Variants in KCNJ18 observed in about 807,000 individuals in gnomAD.
KCNJ18 encodes inward rectifier potassium channel 18.
In KCNJ18, 16 loss-of-function variants were observed where a neutral mutation model predicts 17.3. The ratio of observed to expected loss-of-function variants is 0.92; its 90% CI spans 0.62 to 1.40. KCNJ18 has a LOEUF of 1.40. Among genes scored for constraint, KCNJ18 ranks in the 40% most tolerant of loss-of-function variants. The probability of loss-of-function intolerance (pLI) is 0.00; values close to 1 mark genes in which losing one functional copy is unlikely to be tolerated. For missense variants in KCNJ18, 462 were observed against 626.8 expected (o/e 0.74, Z 2.81); for synonymous variants, 185 against 262.6 (o/e 0.70, Z 2.86).
chr17:21,698,528 G>A (rs1234863009), intron 2 of KCNJ18, among the ~76,000 whole-genome samples: 6 of 151,122 alleles, frequency 4.0e-5, no homozygotes, highest in African/African-American at 9.8e-5. Flanking sequence ...TGATGCAGGC[G>A]CCTGCACTCT....
chr17:21,700,558 C>T lies in KCNJ18; in HGVS notation c.-56-2173C>T, dbSNP rs1365643195. Among the ~76,000 whole-genome samples the T allele has an allele frequency of 1.0e-4, 11 of 107,384 alleles. 2 individuals are homozygous for T. Among genetic ancestry groups the T allele is most frequent in the Non-Finnish European group, 1.8e-4 (9 of 50,934 alleles). The allele number at this position is 107,384 out of a possible 152,430, so 70.4% of individuals were successfully genotyped here. A position where few individuals can be genotyped will look rare whatever the true frequency, so the allele number is the denominator to read the frequency against. On this transcript the variant is annotated intron_variant, in intron 2 of 2. Coordinates refer to ENST00000567955, the MANE Select transcript of KCNJ18 (RefSeq NM_001194958.2). ...GTGTTCCACAGCCTGGCCGGGCAGG[C>T]GGCTCCACCATCACCTGTTGCTCAG...
At chr17:21,700,970 C>G (rs1425468604) in intron 2 of KCNJ18, among the ~76,000 whole-genome samples, 1 of 147,110 alleles carries the variant, frequency 6.8e-6, no homozygotes, top group East Asian at 2.0e-4. Flanking sequence ...GGTGCTGGGT[C>G]CCTGTGGGCG....
chr17:21,702,868 G>C lies in KCNJ18; in HGVS notation c.82G>C (p.Ala28Pro), dbSNP rs1260138033. The C allele has an allele frequency of 1.9e-6, 3 of 1,600,040 alleles. No homozygotes were observed. Among genetic ancestry groups the C allele is most frequent in the Non-Finnish European group, 2.5e-6 (3 of 1,177,396 alleles). ...GCTGCACCTGGTCACCATGTCGGGC[G>C]CCAACGGCTTCGGCAACGGCAAGGT... is the stretch of plus-strand genomic sequence containing the variant. ...DGLHLVTMSG[A>P]NGFGNGKVHT... Residue 28 changes from alanine (A) to proline (P), a missense_variant, in exon 3 of 3, where the codon GCC becomes CCC. This residue lies in a region of KCNJ18 where 237 missense variants were observed against 259.4 expected (regional missense o/e 0.91). Coordinates refer to ENST00000567955, the MANE Select transcript of KCNJ18 (RefSeq NM_001194958.2).
In KCNJ18 at chr17:21,702,903, G is replaced by A. The variant is rs1906014565; in HGVS notation, c.117G>A (p.Arg39=). The A allele has an allele frequency of 6.3e-6, 10 of 1,595,508 alleles. No individual in the cohort carries two copies. In the South Asian group the frequency reaches 1.1e-4, roughly 18 times the overall value. The change falls in exon 3 of 3, where the codon CGG becomes CGA. Residue 39 remains arginine, a synonymous_variant. Transcript: ENST00000567955. ...NGFGNGKVHT[R]RRCRNRFVKK... Reference sequence around the variant, plus strand: ...TCGGCAACGGCAAGGTGCACACGCGGCGCAGGTGCCGCAACCGCTTCGTCA... The same window carrying A: ...TCGGCAACGGCAAGGTGCACACGCGACGCAGGTGCCGCAACCGCTTCGTCA...
At chr17:21,695,829 C>A (rs1905742746) in intron 1 of KCNJ18, among the ~76,000 whole-genome samples, 154 bp from the exon 2 acceptor site, 2 of 152,424 alleles carry the variant, frequency 1.3e-5, no homozygotes, top group African/African-American at 4.8e-5. Context: ...AGGTGTGGGG[C>A]ATCAAAGGTG....
At position 21,703,782 on chromosome 17, in the gene KCNJ18, C is replaced by T. The variant is rs1360821251; in HGVS notation, c.996C>T (p.Phe332=). Residue 332 remains phenylalanine, a synonymous_variant, in exon 3 of 3, where the codon TTC becomes TTT. Coordinates refer to ENST00000567955, the MANE Select transcript of KCNJ18 (RefSeq NM_001194958.2). ...GTCACCGCTTTGAGCCCGTGCTCTT[C>T]GAGGAGAAGAACCAGTACAAGATTG... ...LWGHRFEPVL[F]EEKNQYKIDY... 4,709 of 1,583,728 alleles carry T rather than the reference C, an allele frequency of 3.0e-3. 42 individuals are homozygous for T. The African/African-American group carries it at 0.061, about 20-fold the overall frequency.
chr17:21,698,211 A>C (rs1165408823), intron 2 of KCNJ18, among the ~76,000 whole-genome samples: 1 of 152,170 alleles, frequency 6.6e-6, no homozygotes, highest in Non-Finnish European at 1.5e-5. Context: ...CACTGGTTTC[A>C]CCCCTACAGC....
At chr17:21,697,715 T>G (rs1905806708) in intron 2 of KCNJ18, among the ~76,000 whole-genome samples, 1 of 152,310 alleles carries the variant, frequency 6.6e-6, no homozygotes, top group Admixed American at 6.5e-5. Flanking sequence ...CAGCCCTGCC[T>G]CTCACACCCT....
rs1906088017 is a variant in KCNJ18, at chr17:21,704,225, T to A, written c.*137T>A. On this transcript the variant is annotated 3_prime_UTR_variant, in exon 3 of 3. Coordinates refer to ENST00000567955, the MANE Select transcript of KCNJ18 (RefSeq NM_001194958.2). Reference sequence around the variant, plus strand: ...AGTAGCGTTTTAGTCGTTTTATGTTTCTTTGCAAAGGCCTCAGAAGGTTGG... The same window carrying A: ...AGTAGCGTTTTAGTCGTTTTATGTTACTTTGCAAAGGCCTCAGAAGGTTGG... 6 of 1,118,274 alleles carry A rather than the reference T, an allele frequency of 5.4e-6. No individual in the cohort carries two copies. Among genetic ancestry groups the A allele is most frequent in the Non-Finnish European group, 6.2e-6 (5 of 805,160 alleles). The allele number at this position is 1,118,274 out of a possible 1,614,324, so 69.3% of individuals were successfully genotyped here.
At chr17:21,697,832 G>C (rs1331951530) in intron 2 of KCNJ18, among the ~76,000 whole-genome samples, 3 of 152,302 alleles carry the variant, frequency 2.0e-5, no homozygotes, top group African/African-American at 4.8e-5. Context: ...AATGGTGCCT[G>C]GATTAGGAAA....
chr17:21,702,951 T>C lies in KCNJ18; in HGVS notation c.165T>C (p.Ile55=). The C allele has an allele frequency of 1.3e-6, 2 of 1,584,194 alleles. No homozygotes were observed. Among genetic ancestry groups the C allele is most frequent in the South Asian group, 1.1e-5 (1 of 87,602 alleles). The change falls in exon 3 of 3, where the codon ATT becomes ATC. Residue 55 remains isoleucine, a synonymous_variant. Coordinates refer to ENST00000567955, the MANE Select transcript of KCNJ18 (RefSeq NM_001194958.2). ...RFVKKNGQCN[I]AFANMDEKSQ... is the part of the protein sequence containing the mutation. ...TCAAGAAGAATGGCCAGTGCAACAT[T>C]GCGTTCGCCAACATGGACGAGAAGT...
In KCNJ18 at chr17:21,703,689, C is replaced by G. The variant is rs1906059143; in HGVS notation, c.903C>G (p.Gly301=). 3.8e-6 allele frequency: 6 copies of G among 1,589,142 alleles called. No homozygotes were observed. Among genetic ancestry groups the G allele is most frequent in the Non-Finnish European group, 5.1e-6 (6 of 1,166,558 alleles). Residue 301 remains glycine, a synonymous_variant, in exon 3 of 3, where the codon GGC becomes GGG. Coordinates refer to ENST00000567955, the MANE Select transcript of KCNJ18 (RefSeq NM_001194958.2). ...DDFEIVVILE[G]MVEATAMTTQ... ...TTGAGATCGTGGTCATCCTGGAAGG[C>G]ATGGTGGAGGCCACAGCCATGACCA...
In KCNJ18 at chr17:21,703,690, A is replaced by T; in HGVS notation, c.904A>T (p.Met302Leu). The T allele has an allele frequency of 6.3e-7, 1 of 1,589,396 alleles. No individual in the cohort carries two copies. Among genetic ancestry groups the T allele is most frequent in the East Asian group, 2.3e-5 (1 of 44,006 alleles). ...DFEIVVILEG[M>L]VEATAMTTQA... ...TGAGATCGTGGTCATCCTGGAAGGC[A>T]TGGTGGAGGCCACAGCCATGACCAC... The change falls in exon 3 of 3, where the codon ATG (methionine) becomes TTG (leucine). Residue 302 changes from methionine to leucine, a missense_variant. This residue lies in a region of KCNJ18 where 55 missense variants were observed against 69.1 expected (regional missense o/e 0.80). Coordinates refer to ENST00000567955, the MANE Select transcript of KCNJ18 (RefSeq NM_001194958.2).
At chr17:21,701,258 G>T (rs1193805254) in intron 2 of KCNJ18, among the ~76,000 whole-genome samples, 1 of 152,302 alleles carries the variant, frequency 6.6e-6, no homozygotes, top group South Asian at 2.1e-4. Flanking sequence ...CCTGCTGCGG[G>T]GCCTGTCTTG....
chr17:21,695,696 T>C (rs1449431662), intron 1 of KCNJ18, among the ~76,000 whole-genome samples: 11 of 152,308 alleles, frequency 7.2e-5, no homozygotes, highest in African/African-American at 2.7e-4. Flanking sequence ...AGATGATGTA[T>C]GTAAAATGCC....
rs1246652036 is a variant in KCNJ18, at chr17:21,703,935, C to T, written c.1149C>T (p.Phe383=). The change falls in exon 3 of 3, where the codon TTC becomes TTT. Residue 383 remains phenylalanine, a synonymous_variant. Coordinates refer to ENST00000567955, the MANE Select transcript of KCNJ18 (RefSeq NM_001194958.2). The stretch of plus-strand genomic sequence containing the variant: ...TCTGCTATGAGAACGAGCTGGCCTT[C>T]CTGAGCCGTGACGAGGAGGATGAGG... The part of the protein sequence containing the change: ...NSFCYENELA[F]LSRDEEDEAD... 63 of 1,610,696 alleles carry T rather than the reference C, an allele frequency of 3.9e-5. No homozygotes were observed. Among genetic ancestry groups the T allele is most frequent in the Non-Finnish European group, 4.7e-5 (56 of 1,179,956 alleles).
chr17:21,698,843 G>C (rs1466145469), intron 2 of KCNJ18, among the ~76,000 whole-genome samples: 1 of 152,066 alleles, frequency 6.6e-6, no homozygotes, highest in East Asian at 1.9e-4. Context: ...AGGGATCTCC[G>C]GGGGTCTGCC....
rs1906090966 is a variant in KCNJ18, at chr17:21,704,292, G to A, written c.*204G>A. On this transcript the variant is annotated 3_prime_UTR_variant, in exon 3 of 3. Coordinates refer to ENST00000567955, the MANE Select transcript of KCNJ18 (RefSeq NM_001194958.2). ...CAGAGCGGCAGCCCCCGGCCTCAGA[G>A]GCTATCACAGGCTCAGGGCAAAGAA... 1.6e-6 allele frequency: 1 copy of A among 638,396 alleles called. No homozygotes were observed. The highest frequency in any genetic ancestry group is 1.8e-5 in the African/African-American group (1 of 54,546). The allele number at this position is 638,396 out of a possible 1,614,324, so 39.5% of individuals were successfully genotyped here.
intron 1 of KCNJ18, among the ~76,000 whole-genome samples, chr17:21,693,703 G>T (rs1435572047): frequency 1.1e-3 from 164 of 151,522 alleles, no homozygotes; most frequent in African/African-American, 3.7e-3. Flanking sequence ...CGGGGAAGGG[G>T]GTGGACCCAA....
Sources: gnomAD v4.1 joint callset for allele counts (sites outside exome capture counted in the v4.1 genomes callset) on GRCh38, gnomAD v4.1.1 for gene constraint, gnomAD v4.1.1 regional missense constraint, MANE v1.5 for transcripts, NCBI Gene and HGNC (gene_info 2026-07-23, HGNC 2026-07-21) for gene names.